The following KMT2C variants were observed in gnomAD, a reference collection of about 807,000 sequenced individuals.
KMT2C encodes lysine methyltransferase 2C, also known as histone-lysine N-methyltransferase 2C.
A neutral mutation model predicts 507.9 loss-of-function variants in KMT2C; 88 were observed. The ratio of observed to expected loss-of-function variants is 0.17; its 90% CI spans 0.15 to 0.21. The LOEUF is 0.21. KMT2C is among the 10% of genes least tolerant of loss of function. The pLI, the probability that KMT2C is intolerant of heterozygous loss-of-function variation, is 1.00. For synonymous variants in KMT2C, 2,049 were observed against 2,080.8 expected (o/e 0.98, Z 0.42); for missense variants, 4,954 against 5,957.8 (o/e 0.83, Z 5.55).
chr7:152,415,110 T>C (rs1161492234), intron 1 of KMT2C, among the ~76,000 whole-genome samples: 2 of 152,298 alleles, frequency 1.3e-5, no homozygotes, highest in Non-Finnish European at 2.9e-5. Flanking sequence ...CCTCAAGTGC[T>C]GGGATTACAG....
chr7:152,273,076 C>A (rs1386817332), intron 7 of KMT2C, among the ~76,000 whole-genome samples: 3 of 151,986 alleles, frequency 2.0e-5, no homozygotes, highest in Non-Finnish European at 2.9e-5. Flanking sequence ...TTTAATGATA[C>A]AATAGTAAAG....
intron 3 of KMT2C, among the ~76,000 whole-genome samples, chr7:152,323,847 A>G (rs2096797513): frequency 6.7e-6 from 1 of 150,356 alleles, no homozygotes; most frequent in East Asian, 2.0e-4. Context: ...GGAGAGAGAG[A>G]GAGAGAGAAG....
chr7:152,246,672 A>AT (rs1196233355), intron 14 of KMT2C, among the ~76,000 whole-genome samples: 1 of 152,138 alleles, frequency 6.6e-6, no homozygotes, highest in African/African-American at 2.4e-5. Context: ...TAATTATTAT[A>AT]TAACTATTCA....
chr7:152,188,324 T>TACCTG (rs2129125468), intron 31 of KMT2C, among the ~76,000 whole-genome samples: 1 of 152,280 alleles, frequency 6.6e-6, no homozygotes, highest in East Asian at 1.9e-4. Flanking sequence ...ACCTCAATTT[T>TACCTG]ACCTGTTAGA....
chr7:152,176,309 T>C lies in KMT2C; in HGVS notation c.9144A>G (p.Leu3048=), dbSNP rs1044623106. ...AQQNRERPLL[L]EEQPLLLQDL... ...CCTGTAGAAGTAGAGGCTGTTCTTC[T>C]AGAAGAAGGGGCCTCTCTCTATTCT... is the stretch of plus-strand genomic sequence containing the variant. Residue 3048 remains leucine (L), a synonymous_variant, in exon 38 of 59, where the codon CTA becomes CTG. Transcript: ENST00000262189. The C allele has an allele frequency of 3.1e-6, 5 of 1,614,024 alleles. No homozygotes were observed. The highest frequency in any genetic ancestry group is 2.7e-5 in the African/African-American group (2 of 74,920).
At chr7:152,240,668 C>T (rs1291142277) in intron 14 of KMT2C, among the ~76,000 whole-genome samples, 1 of 152,290 alleles carries the variant, frequency 6.6e-6, no homozygotes, top group Non-Finnish European at 1.5e-5. Flanking sequence ...CTTCCCCATC[C>T]TTATAAATGG....
intron 6 of KMT2C, among the ~76,000 whole-genome samples, chr7:152,294,469 AAAT>A (rs1171260041): frequency 6.6e-6 from 1 of 152,174 alleles, no homozygotes; most frequent in African/African-American, 2.4e-5. Flanking sequence ...TTCCCATTAA[AAAT>A]AATAATTATG....
intron 1 of KMT2C, among the ~76,000 whole-genome samples, chr7:152,392,848 T>C (rs1282011928): frequency 1.3e-5 from 2 of 152,120 alleles, no homozygotes; most frequent in African/African-American, 4.8e-5. Context: ...TAAAATAAAA[T>C]GAGAATTCCT....
intron 41 of KMT2C, 145 bp downstream of exon 41, chr7:152,169,041 C>T (rs898803539): frequency 3.8e-6 from 2 of 521,320 alleles, no homozygotes; most frequent in Non-Finnish European, 3.5e-6. Context: ...GAAGAGTTGC[C>T]TAATAGGGCA....
At chr7:152,264,915 A>G in intron 8 of KMT2C, 123 bp downstream of exon 8, 1 of 1,170,022 alleles carries the variant, frequency 8.5e-7, no homozygotes, top group South Asian at 2.2e-5. Flanking sequence ...AGTATGATGA[A>G]GTCACTGAAT....
chr7:152,359,988 G>A (rs1238725882), intron 1 of KMT2C, among the ~76,000 whole-genome samples: 1 of 133,546 alleles, frequency 7.5e-6, no homozygotes, highest in Non-Finnish European at 1.5e-5. Context: ...GATGGAGGTT[G>A]CAGTGAGCTG....
At chr7:152,258,498 T>TTTG (rs202144630) in intron 9 of KMT2C, among the ~76,000 whole-genome samples, 21 of 151,452 alleles carry the variant, frequency 1.4e-4, no homozygotes, top group East Asian at 7.8e-4. Flanking sequence ...AGGCAGTAAG[T>TTTG]TTGTTGTTGT....
intron 26 of KMT2C, among the ~76,000 whole-genome samples, chr7:152,201,067 GCC>G (rs2094121616): frequency 6.6e-6 from 1 of 152,086 alleles, no homozygotes; most frequent in Non-Finnish European, 1.5e-5. Context: ...TTTATTTAAT[GCC>G]TTCAGTATAA....
chr7:152,172,017 C>T (rs531169331), intron 39 of KMT2C, among the ~76,000 whole-genome samples: 30 of 152,298 alleles, frequency 2.0e-4, no homozygotes, highest in African/African-American at 7.0e-4. Context: ...TTTCCTCTGG[C>T]ATTATCAAAT....
At position 152,337,879 on chromosome 7, in the gene KMT2C, C is replaced by CA. The variant is rs2096952364; in HGVS notation, c.251-7141dup. On this transcript the variant is annotated intron_variant, in intron 2 of 58. Coordinates refer to ENST00000262189, the MANE Select transcript of KMT2C (RefSeq NM_170606.3). ...TGATTTTTTTTTTTTTTTTTAAAGA[C>CA]AGAGTCTCGCTCTGCCGCCCAGGCT... is the stretch of plus-strand genomic sequence containing the variant. Among the ~76,000 whole-genome samples, 4 of 148,132 alleles carry CA rather than the reference C, an allele frequency of 2.7e-5. No individual in the cohort carries two copies. In the South Asian group the frequency reaches 6.4e-4, roughly 24 times the overall value.
intron 1 of KMT2C, among the ~76,000 whole-genome samples, chr7:152,424,383 T>G (rs2097797307): frequency 6.6e-6 from 1 of 152,210 alleles, no homozygotes; most frequent in African/African-American, 2.4e-5. Flanking sequence ...TTTCGTAACC[T>G]GGACTGAGCT....
At chr7:152,146,866 A>C (rs2091153676) in intron 52 of KMT2C, 131 bp from the exon 53 acceptor site, 5 of 853,742 alleles carry the variant, frequency 5.9e-6, no homozygotes, top group Non-Finnish European at 7.0e-6. Context: ...ATAATCTAAT[A>C]AATCTGTTTG....
intron 1 of KMT2C, among the ~76,000 whole-genome samples, chr7:152,386,590 C>T (rs1017053927): frequency 1.1e-4 from 16 of 152,116 alleles, no homozygotes; most frequent in East Asian, 9.8e-4. Flanking sequence ...AGGCCTTGTC[C>T]CCAAACCTCC....
intron 6 of KMT2C, among the ~76,000 whole-genome samples, chr7:152,290,258 G>GTATATATATATA (rs746466676): frequency 9.9e-4 from 26 of 26,248 alleles, no homozygotes; most frequent in Admixed American, 1.6e-3. Flanking sequence ...GTGTGTATGT[G>GTATATATATATA]TATATATATA....
Sources: allele counts gnomAD v4.1 joint callset (sites outside exome capture counted in the v4.1 genomes callset), GRCh38; gene constraint gnomAD v4.1.1; transcripts MANE v1.5; gene names NCBI Gene and HGNC (gene_info 2026-07-23, HGNC 2026-07-21).